Variants in LRP1B observed in about 807,000 individuals in gnomAD.
LRP1B encodes LDL receptor related protein 1B.
LRP1B carries 217 observed loss-of-function variants against 556.6 expected under a neutral mutation model. The observed-to-expected ratio is 0.39, with a 90% CI of 0.35 to 0.44. The LOEUF (loss-of-function observed/expected upper bound fraction) is 0.44, where lower values mean the gene tolerates loss of function less well. Ranked by LOEUF, LRP1B falls within the 20% of genes least tolerant of loss-of-function variation. The probability of loss-of-function intolerance (pLI) is 1.00; values close to 1 mark genes in which losing one functional copy is unlikely to be tolerated. For synonymous variants in LRP1B, 2,047 were observed against 1,865.8 expected, an observed-to-expected ratio of 1.10 and a Z score of -2.50; for missense variants, 5,053 against 5,620.8, an observed-to-expected ratio of 0.90 and a Z score of 3.23.
chr2:140,573,405 C>T (rs964471155), intron 43 of LRP1B, among the ~76,000 whole-genome samples: 2 of 151,896 alleles, frequency 1.3e-5, no homozygotes, highest in East Asian at 1.9e-4. Context: ...GTTTATGACT[C>T]CCAACAGACT....
At chr2:141,451,065 T>A (rs556995795) in intron 3 of LRP1B, among the ~76,000 whole-genome samples, 5 of 152,218 alleles carry the variant, frequency 3.3e-5, no homozygotes, top group Non-Finnish European at 5.9e-5. Context: ...AGCTCAGGAA[T>A]GAGCATCTTC....
chr2:141,283,811 G>T (rs1685600508), intron 3 of LRP1B, among the ~76,000 whole-genome samples: 1 of 149,072 alleles, frequency 6.7e-6, no homozygotes, highest in Non-Finnish European at 1.5e-5. Context: ...GGTCAAGGTG[G>T]GAGAGACACT....
chr2:140,482,685 T>C (rs1164538134), intron 59 of LRP1B, among the ~76,000 whole-genome samples: 1 of 152,146 alleles, frequency 6.6e-6, no homozygotes, highest in Admixed American at 6.6e-5. Flanking sequence ...ATTGTAATAA[T>C]TGACATACTG....
intron 85 of LRP1B, among the ~76,000 whole-genome samples, chr2:140,270,823 A>C (rs1053736295): frequency 6.6e-6 from 1 of 151,980 alleles, no homozygotes; most frequent in Admixed American, 6.6e-5. Flanking sequence ...CACATTTCAT[A>C]AGAAAGTGGA....
intron 1 of LRP1B, among the ~76,000 whole-genome samples, chr2:142,082,687 T>G (rs574341524): frequency 2.0e-5 from 3 of 152,210 alleles, no homozygotes; most frequent in African/African-American, 7.2e-5. Context: ...CTCTCTCAGC[T>G]TTTCCTTATA....
chr2:141,477,143 A>AAC (rs75379214), intron 3 of LRP1B, among the ~76,000 whole-genome samples: 77,129 of 150,730 alleles, frequency 0.51, 19,936 homozygotes, highest in Non-Finnish European at 0.55. Context: ...CAAACAAACA[A>AAC]AAAAAACCCC....
At chr2:140,439,883 T>A (rs1686348093) in intron 66 of LRP1B, among the ~76,000 whole-genome samples, 1 of 152,064 alleles carries the variant, frequency 6.6e-6, no homozygotes, top group African/African-American at 2.4e-5. Flanking sequence ...ATATAGAATT[T>A]AAAAAAATTT....
chr2:140,903,923 A>G (rs186368255), intron 22 of LRP1B, among the ~76,000 whole-genome samples: 1 of 152,072 alleles, frequency 6.6e-6, no homozygotes, highest in African/African-American at 2.4e-5. Flanking sequence ...GATTACATAT[A>G]TAATGTGATT....
chr2:140,457,769 T>A, intron 60 of LRP1B, 118 bp from the exon 61 acceptor site: 1 of 795,458 alleles, frequency 1.3e-6, no homozygotes, highest in Non-Finnish European at 2.0e-6. Flanking sequence ...ATAATTGCTG[T>A]GACAACCTGT....
intron 1 of LRP1B, among the ~76,000 whole-genome samples, chr2:142,113,172 C>T (rs1307619064): frequency 6.6e-6 from 1 of 151,976 alleles, no homozygotes; most frequent in East Asian, 1.9e-4. Context: ...AGATGCAGAG[C>T]TGGGAATCAA....
At chr2:141,698,741 A>T (rs1691829904) in intron 2 of LRP1B, among the ~76,000 whole-genome samples, 1 of 151,824 alleles carries the variant, frequency 6.6e-6, no homozygotes, top group Non-Finnish European at 1.5e-5. Flanking sequence ...GAACGGAAAA[A>T]AAAAAAGAGC....
At chr2:141,737,125 AG>A (rs762865822) in intron 2 of LRP1B, among the ~76,000 whole-genome samples, 2 of 152,114 alleles carry the variant, frequency 1.3e-5, no homozygotes, top group South Asian at 4.1e-4. Flanking sequence ...AGGCTTAGGC[AG>A]GTGGATCATG....
At chr2:140,557,842 C>G (rs1423612581) in intron 43 of LRP1B, among the ~76,000 whole-genome samples, 1 of 152,142 alleles carries the variant, frequency 6.6e-6, no homozygotes, top group Non-Finnish European at 1.5e-5. Flanking sequence ...ACACTCAATG[C>G]CCTTATTCAG....
chr2:140,921,452 A>G (rs556260675), intron 21 of LRP1B, among the ~76,000 whole-genome samples: 3 of 152,140 alleles, frequency 2.0e-5, no homozygotes, highest in Admixed American at 1.3e-4. Flanking sequence ...GCTTTGAAGT[A>G]TGTTAACTCG....
intron 87 of LRP1B, among the ~76,000 whole-genome samples, chr2:140,241,990 A>G (rs1307652591): frequency 6.6e-6 from 1 of 150,796 alleles, no homozygotes; most frequent in Non-Finnish European, 1.5e-5. Context: ...CTTTTTTTGC[A>G]ACATGGTTCT....
chr2:141,751,042 T>C (rs1263043087), intron 2 of LRP1B, among the ~76,000 whole-genome samples: 14 of 151,900 alleles, frequency 9.2e-5, no homozygotes, highest in Non-Finnish European at 2.1e-4. Context: ...TAAGTATATA[T>C]ATAAAAAGGA....
At chr2:140,443,331 G>T (rs969501921) in intron 65 of LRP1B, among the ~76,000 whole-genome samples, 1 of 152,134 alleles carries the variant, frequency 6.6e-6, no homozygotes, top group Admixed American at 6.6e-5. Context: ...AAAGTGCTGG[G>T]ATTACAGGCA....
chr2:140,362,034 CAATCCGTCATTT>C (rs1682539106), intron 72 of LRP1B, among the ~76,000 whole-genome samples: 1 of 151,516 alleles, frequency 6.6e-6, no homozygotes, highest in Admixed American at 6.6e-5. Flanking sequence ...TCACCATATC[CAATCCGTCATTT>C]AATCCAATTT....
intron 2 of LRP1B, among the ~76,000 whole-genome samples, chr2:141,515,152 ATTAGCCCAATGTGGTGG>A (rs1276020581): frequency 6.6e-6 from 1 of 152,116 alleles, no homozygotes. Flanking sequence ...AAAATACAAA[ATTAGCCCAATGTGGTGG>A]TGCATGCCTG....
Sources: allele counts gnomAD v4.1 joint callset (sites outside exome capture counted in the v4.1 genomes callset), GRCh38; gene constraint gnomAD v4.1.1; transcripts MANE v1.5; gene names NCBI Gene and HGNC (gene_info 2026-07-23, HGNC 2026-07-21).